The following NRG3 variants were observed in gnomAD, a reference collection of about 807,000 sequenced individuals.
NRG3 encodes neuregulin 3, also known as pro-neuregulin-3, membrane-bound isoform.
In NRG3, 31 loss-of-function variants were observed where a neutral mutation model predicts 66.9. The observed-to-expected ratio is 0.46, with a 90% CI of 0.35 to 0.63. The LOEUF (loss-of-function observed/expected upper bound fraction) is 0.63, where lower values mean the gene tolerates loss of function less well. NRG3 is among the 20% of genes least tolerant of loss of function. The pLI, the probability that NRG3 is intolerant of heterozygous loss-of-function variation, is 0.00. For missense variants in NRG3, 910 were observed against 878.9 expected (o/e 1.04, Z -0.45); for synonymous variants, 393 against 359.4 (o/e 1.09, Z -1.06).
At chr10:82,956,516 A>T (rs1850067655) in intron 5 of NRG3, among the ~76,000 whole-genome samples, 1 of 151,974 alleles carries the variant, frequency 6.6e-6, no homozygotes. Flanking sequence ...GACTTGAGTG[A>T]AAAAAGACTA....
At chr10:82,942,482 T>C (rs1365229546) in intron 4 of NRG3, among the ~76,000 whole-genome samples, 1 of 152,224 alleles carries the variant, frequency 6.6e-6, no homozygotes, top group Non-Finnish European at 1.5e-5. Context: ...AGCCAATAAG[T>C]GTTCCAAGGA....
chr10:82,684,495 A>T (rs2054352646), intron 2 of NRG3, among the ~76,000 whole-genome samples: 1 of 152,188 alleles, frequency 6.6e-6, no homozygotes, highest in African/African-American at 2.4e-5. Context: ...AAAATTGAGC[A>T]CTAGAAGTAA....
chr10:82,786,851 G>A (rs1481948382), intron 3 of NRG3, among the ~76,000 whole-genome samples: 2 of 152,076 alleles, frequency 1.3e-5, no homozygotes, highest in African/African-American at 2.4e-5. Context: ...GTTGTCATGG[G>A]AATGGGTTTC....
At chr10:82,273,250 TTTGA>T (rs1478518342) in intron 1 of NRG3, among the ~76,000 whole-genome samples, 5 of 152,052 alleles carry the variant, frequency 3.3e-5, no homozygotes, top group Non-Finnish European at 7.4e-5. Flanking sequence ...GTCCCAAGGC[TTTGA>T]TTGGCTGCTT....
chr10:82,824,334 G>A (rs962628353), intron 3 of NRG3, among the ~76,000 whole-genome samples: 3 of 152,118 alleles, frequency 2.0e-5, no homozygotes, highest in Non-Finnish European at 4.4e-5. Flanking sequence ...GAATATTCAT[G>A]TGCAAGTTTT....
chr10:82,603,523 C>T (rs955115310), intron 2 of NRG3, among the ~76,000 whole-genome samples: 1 of 152,132 alleles, frequency 6.6e-6, no homozygotes, highest in Non-Finnish European at 1.5e-5. Context: ...AGTCAGAAAT[C>T]CCAGTGTCCA....
In NRG3 at chr10:82,497,232, A is replaced by G. The variant is rs180712069; in HGVS notation, c.953+138364A>G. Among the ~76,000 whole-genome samples the G allele has an allele frequency of 1.7e-3, 253 of 152,356 alleles. No individual in the cohort carries two copies. In the Middle Eastern group the frequency reaches 0.031, roughly 18 times the overall value. On this transcript the variant is annotated intron_variant, in intron 2 of 8. Coordinates refer to ENST00000372141, the MANE Select transcript of NRG3 (RefSeq NM_001010848.4). ...ATACTTGAACTTTTCTTTTTAATCC[A>G]TAATAGGCAAAATAAATACTCAAAT...
chr10:82,347,764 A>G, intron 1 of NRG3, among the ~76,000 whole-genome samples: 1 of 152,182 alleles, frequency 6.6e-6, no homozygotes. Flanking sequence ...TATTGGGTGC[A>G]TATATATTTA....
At chr10:82,409,529 T>A (rs1173510343) in intron 2 of NRG3, among the ~76,000 whole-genome samples, 1 of 152,150 alleles carries the variant, frequency 6.6e-6, no homozygotes, top group Non-Finnish European at 1.5e-5. Context: ...CATTCTTTCA[T>A]GAAGGACGTG....
At chr10:82,339,937 C>G (rs1341767662) in intron 1 of NRG3, among the ~76,000 whole-genome samples, 3 of 152,076 alleles carry the variant, frequency 2.0e-5, no homozygotes, top group Non-Finnish European at 4.4e-5. Flanking sequence ...TTAAAGATAT[C>G]ATCCTTTTAC....
rs572200498 is a variant in NRG3, at chr10:82,763,205, G to A, written c.1027+24555G>A. ...ATTCAAATATGCCATGACAAACAGC[G>A]ACCTTTTCCAGAGGTTTTGTAATAA... On this transcript the variant is annotated intron_variant, in intron 3 of 8. Coordinates refer to ENST00000372141, the MANE Select transcript of NRG3 (RefSeq NM_001010848.4). Among the ~76,000 whole-genome samples, 9 of 152,184 alleles carry A rather than the reference G, an allele frequency of 5.9e-5. No individual in the cohort carries two copies. The South Asian group carries it at 6.2e-4, about 11-fold the overall frequency.
chr10:82,297,554 A>G (rs2080144146), intron 1 of NRG3, among the ~76,000 whole-genome samples: 1 of 152,106 alleles, frequency 6.6e-6, no homozygotes, highest in South Asian at 2.1e-4. Flanking sequence ...GAACAAGTGT[A>G]GCTCCCCGAT....
At chr10:82,679,151 G>A (rs1014463593) in intron 2 of NRG3, among the ~76,000 whole-genome samples, 1 of 152,182 alleles carries the variant, frequency 6.6e-6, no homozygotes, top group Admixed American at 6.5e-5. Context: ...GTGCTGTCTT[G>A]TACATAGTAG....
At chr10:82,039,258 A>G (rs1202791596) in intron 1 of NRG3, among the ~76,000 whole-genome samples, 1 of 152,130 alleles carries the variant, frequency 6.6e-6, no homozygotes, top group Admixed American at 6.6e-5. Context: ...AAATGATCCA[A>G]CTTCCATTAG....
At position 82,566,322 on chromosome 10, in the gene NRG3, A is replaced by G. The variant is rs79629227; in HGVS notation, c.954-172255A>G. Among the ~76,000 whole-genome samples, 181 of 152,138 alleles carry G rather than the reference A, an allele frequency of 1.2e-3. 2 individuals carry two copies. The East Asian group carries it at 0.03, about 25-fold the overall frequency. ...TCTTACTTTTTTGGGAGGTGGATGT[A>G]TGCAATGTATTAAATATGGTAAATT... On this transcript the variant is annotated intron_variant, in intron 2 of 8. Coordinates refer to ENST00000372141, the MANE Select transcript of NRG3 (RefSeq NM_001010848.4).
At chr10:82,068,161 C>A (rs1283261156) in intron 1 of NRG3, among the ~76,000 whole-genome samples, 1 of 152,168 alleles carries the variant, frequency 6.6e-6, no homozygotes, top group African/African-American at 2.4e-5. Context: ...AACCATCCTT[C>A]CTTTTTATAG....
At chr10:81,952,339 A>C (rs1292139267) in intron 1 of NRG3, among the ~76,000 whole-genome samples, 2 of 151,796 alleles carry the variant, frequency 1.3e-5, no homozygotes, top group African/African-American at 2.4e-5. Context: ...ACCTGACCAA[A>C]TTTGTGGTGA....
chr10:81,998,321 A>G (rs191741650), intron 1 of NRG3, among the ~76,000 whole-genome samples: 1 of 152,156 alleles, frequency 6.6e-6, no homozygotes, highest in African/African-American at 2.4e-5. Flanking sequence ...TTCTACTTAG[A>G]CATGTTTCTC....
At chr10:82,587,707 T>G (rs1490811231) in intron 2 of NRG3, among the ~76,000 whole-genome samples, 1 of 152,144 alleles carries the variant, frequency 6.6e-6, no homozygotes, top group Non-Finnish European at 1.5e-5. Context: ...GGACAGGCCA[T>G]GAATCAGAGA....
Sources: allele counts gnomAD v4.1 joint callset (sites outside exome capture counted in the v4.1 genomes callset), GRCh38; gene constraint gnomAD v4.1.1; transcripts MANE v1.5; gene names NCBI Gene and HGNC (gene_info 2026-07-23, HGNC 2026-07-21).